DOCK4: variants seen among roughly 807,000 people sequenced by gnomAD.
DOCK4 encodes the protein dedicator of cytokinesis 4.
In DOCK4, 97 loss-of-function variants were observed where a neutral mutation model predicts 268.1. The observed-to-expected ratio is 0.36, with a 90% CI of 0.31 to 0.43. The LOEUF (loss-of-function observed/expected upper bound fraction) is 0.43. Ranked by LOEUF, DOCK4 falls within the 20% of genes least tolerant of loss-of-function variation. DOCK4 has a pLI of 1.00. For synonymous variants in DOCK4, 954 were observed against 887.2 expected (o/e 1.08, Z -1.34); for missense variants, 2,145 against 2,455.7 (o/e 0.87, Z 2.67).
At chr7:111,751,061 A>T (rs2133511838) in intron 42 of DOCK4, among the ~76,000 whole-genome samples, 1 of 152,338 alleles carries the variant, frequency 6.6e-6, no homozygotes, top group African/African-American at 2.4e-5. Context: ...CCCATAAAAG[A>T]TTAATGGATC....
rs562539211 is a variant in DOCK4, at chr7:112,181,071, C to A, written c.37+25031G>T. On this transcript the variant is annotated intron_variant, in intron 1 of 52. Coordinates refer to ENST00000428084, the MANE Select transcript of DOCK4 (RefSeq NM_001363540.2). The stretch of plus-strand genomic sequence containing the variant: ...ATAACTTCAAATGTTGTTAATTTTG[C>A]TCATTTGGTATACTAACATCACTTT... Among the ~76,000 whole-genome samples the A allele has an allele frequency of 3.9e-5, 6 of 152,220 alleles. No homozygotes were observed. The South Asian group carries it at 1.2e-3, about 32-fold the overall frequency.
intron 1 of DOCK4, among the ~76,000 whole-genome samples, chr7:112,185,629 G>C (rs1468473440): frequency 6.6e-6 from 1 of 151,748 alleles, no homozygotes; most frequent in Non-Finnish European, 1.5e-5. Context: ...AAAAGAAAAA[G>C]TTCACTTGAA....
At chr7:112,200,729 A>AAAAAAT (rs1554478870) in intron 1 of DOCK4, among the ~76,000 whole-genome samples, 2 of 120,178 alleles carry the variant, frequency 1.7e-5, no homozygotes, top group Non-Finnish European at 3.3e-5. Context: ...CTAAAATAAA[A>AAAAAAT]AAAAAAAAAC....
intron 8 of DOCK4, among the ~76,000 whole-genome samples, chr7:111,970,689 C>T (rs1797640021): frequency 6.6e-6 from 1 of 152,146 alleles, no homozygotes; most frequent in South Asian, 2.1e-4. Context: ...AGACTGTATA[C>T]ACCTCAAATA....
At chr7:111,925,558 T>C (rs1793536791) in intron 12 of DOCK4, among the ~76,000 whole-genome samples, 1 of 152,028 alleles carries the variant, frequency 6.6e-6, no homozygotes, top group Admixed American at 6.6e-5. Flanking sequence ...GATGGGAAAA[T>C]GGGAGCTGTG....
At chr7:112,061,470 C>G (rs1413791293) in intron 1 of DOCK4, among the ~76,000 whole-genome samples, 1 of 152,142 alleles carries the variant, frequency 6.6e-6, no homozygotes, top group Non-Finnish European at 1.5e-5. Flanking sequence ...GAGCAAGATA[C>G]AAACCAGGCC....
Position 111,813,987 on chromosome 7 carries a change from C to T in DOCK4, c.2931-2038G>A, listed in dbSNP as rs562501388. Among the ~76,000 whole-genome samples the T allele has an allele frequency of 1.1e-3, 161 of 152,218 alleles. 1 individual carries two copies. The highest frequency in any genetic ancestry group is 1.5e-3 in the South Asian group (7 of 4,816). On this transcript the variant is annotated intron_variant, in intron 27 of 52. Transcript: ENST00000428084. ...ACAAACTTTCTGCTTTGATGTTCAA[C>T]GAGAAATACACACAGTCCCACTACA...
intron 1 of DOCK4, among the ~76,000 whole-genome samples, chr7:112,075,943 T>C (rs1365128040): frequency 1.3e-5 from 2 of 152,204 alleles, no homozygotes; most frequent in Non-Finnish European, 2.9e-5. Flanking sequence ...GTCCTTACAC[T>C]ATCTGATATT....
chr7:112,103,164 T>A (rs944007611), intron 1 of DOCK4, among the ~76,000 whole-genome samples: 1 of 152,212 alleles, frequency 6.6e-6, no homozygotes, highest in Admixed American at 6.5e-5. Context: ...CTTAAACTTA[T>A]GAATCACTGT....
chr7:112,000,652 A>G (rs1010907169), intron 2 of DOCK4, 118 bp from the exon 3 acceptor site: 16 of 697,732 alleles, frequency 2.3e-5, no homozygotes, highest in Admixed American at 6.3e-5. Context: ...GATTCTATGG[A>G]TAAATATGGT....
chr7:112,053,915 C>T (rs1420902000), intron 1 of DOCK4, among the ~76,000 whole-genome samples: 2 of 152,154 alleles, frequency 1.3e-5, no homozygotes, highest in African/African-American at 4.8e-5. Context: ...AGGAGGCAAA[C>T]AACAAATGTC....
Position 111,728,662 on chromosome 7 carries a change from G to T in DOCK4, c.5540C>A (p.Ser1847Tyr). The T allele has an allele frequency of 6.2e-7, 1 of 1,614,004 alleles. No homozygotes were observed. The highest frequency in any genetic ancestry group is 1.1e-5 in the South Asian group (1 of 91,086). The change falls in exon 53 of 53, where the codon TCC (serine) becomes TAC (tyrosine). Residue 1847 changes from serine (S) to tyrosine (Y), a missense_variant. Ser to Tyr is a moderately radical substitution (Grantham distance 144). Coordinates refer to ENST00000428084, the MANE Select transcript of DOCK4 (RefSeq NM_001363540.2). ...GCTGCCCGACAAGACAGGGGAGTTGGAGATGAGTCCTGGCGAGTGGTACTC... is the reference window on the plus strand; with the variant it reads ...GCTGCCCGACAAGACAGGGGAGTTGTAGATGAGTCCTGGCGAGTGGTACTC... ...PVEYHSPGLISNSPVLSGSYS... is the reference protein window; with the variant it reads ...PVEYHSPGLIYNSPVLSGSYS...
intron 44 of DOCK4, among the ~76,000 whole-genome samples, chr7:111,744,829 CT>C (rs1796159420): frequency 6.6e-6 from 1 of 152,134 alleles, no homozygotes; most frequent in Non-Finnish European, 1.5e-5. Context: ...TAATTCTTCT[CT>C]CTCTTCTGTG....
intron 34 of DOCK4, among the ~76,000 whole-genome samples, chr7:111,783,501 T>C (rs1409484366): frequency 2.0e-5 from 3 of 152,160 alleles, no homozygotes; most frequent in Non-Finnish European, 2.9e-5. Flanking sequence ...CTCCATTACA[T>C]TGTTTTCACC....
intron 1 of DOCK4, among the ~76,000 whole-genome samples, chr7:112,066,569 C>T (rs940832713): frequency 1.4e-5 from 2 of 143,880 alleles, no homozygotes; most frequent in African/African-American, 2.7e-5. Flanking sequence ...TATATATACA[C>T]GTGTGTATAT....
At chr7:111,760,383 C>CA (rs1797307797) in intron 39 of DOCK4, 61 bp from the exon 40 acceptor site, 16 of 1,539,732 alleles carry the variant, frequency 1.0e-5, no homozygotes, top group Non-Finnish European at 1.3e-5. Flanking sequence ...CAGACAGAGC[C>CA]AAAAAACATG....
At chr7:112,156,686 T>C (rs1209707871) in intron 1 of DOCK4, among the ~76,000 whole-genome samples, 2 of 152,200 alleles carry the variant, frequency 1.3e-5, no homozygotes, top group Non-Finnish European at 2.9e-5. Flanking sequence ...TAATGTCAAA[T>C]AGATGAAGTT....
intron 1 of DOCK4, among the ~76,000 whole-genome samples, chr7:112,026,453 G>A (rs917291295): frequency 6.6e-6 from 1 of 152,158 alleles, no homozygotes; most frequent in African/African-American, 2.4e-5. Flanking sequence ...CTGGTCCCCG[G>A]TGCCAAAAAT....
chr7:111,869,517 A>G (rs1316682319), intron 21 of DOCK4, 57 bp downstream of exon 21: 8 of 1,494,482 alleles, frequency 5.4e-6, no homozygotes, highest in Non-Finnish European at 7.4e-6. Context: ...AATTAGTTTA[A>G]GCATCAGCAT....
Sources: gnomAD v4.1 joint callset for allele counts (sites outside exome capture counted in the v4.1 genomes callset) on GRCh38, gnomAD v4.1.1 for gene constraint, MANE v1.5 for transcripts, NCBI Gene and HGNC (gene_info 2026-07-23, HGNC 2026-07-21) for gene names.